Variants in NIPSNAP2 observed in about 807,000 individuals in gnomAD.
The protein encoded by NIPSNAP2 is protein NipSnap homolog 2.
NIPSNAP2 carries 42 observed loss-of-function variants against 48.4 expected under a neutral mutation model. The ratio of observed to expected loss-of-function variants is 0.87; its 90% CI spans 0.68 to 1.12. NIPSNAP2 has a LOEUF of 1.12. Ranked by LOEUF, NIPSNAP2 falls within the 50% of genes most tolerant of loss-of-function variation. NIPSNAP2 has a pLI of 0.00. For synonymous variants in NIPSNAP2, 158 were observed against 126.6 expected (o/e 1.25, Z -1.67); for missense variants, 314 against 347.3 (o/e 0.90, Z 0.76).
chr7:55,997,481 T>C, intron 9 of NIPSNAP2, 32 bp downstream of exon 9: 1 of 1,510,496 alleles, frequency 6.6e-7, no homozygotes, highest in East Asian at 2.3e-5. Flanking sequence ...AATATGCTTT[T>C]TGTCTTACTG....
chr7:55,975,960 C>T (rs918508510), intron 1 of NIPSNAP2, among the ~76,000 whole-genome samples: 3 of 152,284 alleles, frequency 2.0e-5, no homozygotes, highest in Admixed American at 1.3e-4. Flanking sequence ...TCGCTTGAAC[C>T]TGGGAGGTGG....
At chr7:55,968,602 G>A (rs925906447) in intron 1 of NIPSNAP2, among the ~76,000 whole-genome samples, 6 of 152,036 alleles carry the variant, frequency 3.9e-5, no homozygotes, top group African/African-American at 1.4e-4. Flanking sequence ...GGCCAGGATG[G>A]TCTCGATCTC....
At chr7:55,974,248 AT>A (rs757754976) in intron 1 of NIPSNAP2, among the ~76,000 whole-genome samples, 6 of 108,290 alleles carry the variant, frequency 5.5e-5, no homozygotes, top group Admixed American at 5.0e-4. Context: ...CAGCAAACTG[AT>A]TTTTTAAGCA....
intron 4 of NIPSNAP2, chr7:55,982,004 A>G (rs1019697188): frequency 7.6e-6 from 3 of 393,702 alleles, no homozygotes; most frequent in Admixed American, 4.1e-5. Flanking sequence ...ACAGGGTTTC[A>G]CCATGTTGGC....
chr7:55,967,549 C>A (rs1786921606), intron 1 of NIPSNAP2, among the ~76,000 whole-genome samples: 1 of 152,134 alleles, frequency 6.6e-6, no homozygotes, highest in African/African-American at 2.4e-5. Flanking sequence ...TCACTGCAGC[C>A]TTGACCTTCC....
intron 1 of NIPSNAP2, among the ~76,000 whole-genome samples, chr7:55,977,675 A>C (rs1787130305): frequency 6.6e-6 from 1 of 152,174 alleles, no homozygotes; most frequent in African/African-American, 2.4e-5. Flanking sequence ...CATTTTAAGC[A>C]TACAGTTCAG....
chr7:55,997,060 G>A (rs1422945440), intron 8 of NIPSNAP2, among the ~76,000 whole-genome samples: 1 of 151,898 alleles, frequency 6.6e-6, no homozygotes, highest in African/African-American at 2.4e-5. Flanking sequence ...TCAGCAGGCT[G>A]AGGTGGGAGG....
intron 7 of NIPSNAP2, among the ~76,000 whole-genome samples, chr7:55,988,734 G>A (rs1465380795): frequency 2.0e-5 from 3 of 151,970 alleles, no homozygotes; most frequent in African/African-American, 7.3e-5. Context: ...GCATGTTGGT[G>A]TGCACCTGTA....
chr7:55,969,231 AGACGG>A (rs1344046881), intron 1 of NIPSNAP2, among the ~76,000 whole-genome samples: 1 of 152,060 alleles, frequency 6.6e-6, no homozygotes, highest in Admixed American at 6.6e-5. Context: ...GCAGTGTGGA[AGACGG>A]GGTACTGGGG....
chr7:55,985,774 A>G (rs1214241366), intron 7 of NIPSNAP2, among the ~76,000 whole-genome samples: 1 of 149,252 alleles, frequency 6.7e-6, no homozygotes, highest in Non-Finnish European at 1.5e-5. Flanking sequence ...AAGTCCGGGC[A>G]TGTTGGCTCA....
intron 7 of NIPSNAP2, among the ~76,000 whole-genome samples, chr7:55,993,533 C>T (rs562432673): frequency 4.7e-4 from 69 of 148,170 alleles, no homozygotes; most frequent in Non-Finnish European, 8.0e-4. Context: ...GAGCCAAGAT[C>T]GTACCATTGC....
At chr7:55,981,445 A>G in intron 3 of NIPSNAP2, 28 bp from the exon 4 acceptor site, 2 of 1,571,870 alleles carry the variant, frequency 1.3e-6, no homozygotes, top group Non-Finnish European at 1.7e-6. Context: ...TGGTTGTTTA[A>G]TTAGTGTTGC....
At chr7:55,996,820 G>A (rs1240364933) in intron 8 of NIPSNAP2, among the ~76,000 whole-genome samples, 3 of 152,104 alleles carry the variant, frequency 2.0e-5, no homozygotes, top group Non-Finnish European at 4.4e-5. Context: ...TTGAGTCCAG[G>A]TGTTTGAGAC....
chr7:55,975,773 C>T (rs1346327402), intron 1 of NIPSNAP2, among the ~76,000 whole-genome samples: 2 of 152,184 alleles, frequency 1.3e-5, no homozygotes, highest in Non-Finnish European at 2.9e-5. Context: ...CGCAGTGGCT[C>T]ACACCTATAA....
At position 55,967,297 on chromosome 7, in the gene NIPSNAP2, A is replaced by G. The variant is rs10278928; in HGVS notation, c.92+2596A>G. 2.4e-3 allele frequency among the ~76,000 whole-genome samples: 368 copies of G among 152,288 alleles called. 1 individual carries two copies. Among genetic ancestry groups the G allele is most frequent in the African/African-American group, 8.7e-3 (360 of 41,554 alleles). On this transcript the variant is annotated intron_variant, in intron 1 of 9. Transcript: ENST00000322090. ...ACACCAGATGGTCTTCCCCAAGCCC[A>G]TCCCTCTTTTTCCCGCCATCTATCA...
intron 7 of NIPSNAP2, among the ~76,000 whole-genome samples, chr7:55,988,407 A>G (rs1466272901): frequency 2.0e-5 from 3 of 152,210 alleles, no homozygotes; most frequent in Admixed American, 1.3e-4. Context: ...AAGTGAAACT[A>G]TAATGGGATA....
intron 3 of NIPSNAP2, chr7:55,980,138 C>G (rs533524972): frequency 1.9e-5 from 4 of 214,624 alleles, no homozygotes; most frequent in African/African-American, 8.9e-5. Flanking sequence ...TCCCTCTTTC[C>G]CTGTCCTCGA....
chr7:55,988,338 A>G (rs543448522), intron 7 of NIPSNAP2, among the ~76,000 whole-genome samples: 2 of 152,314 alleles, frequency 1.3e-5, no homozygotes, highest in Non-Finnish European at 2.9e-5. Flanking sequence ...AAGAAAATAC[A>G]TGAATGCCCA....
intron 8 of NIPSNAP2, among the ~76,000 whole-genome samples, chr7:55,997,089 G>A (rs1787577073): frequency 6.6e-6 from 1 of 151,716 alleles, no homozygotes; most frequent in African/African-American, 2.4e-5. Flanking sequence ...AGCCTAGGAG[G>A]TCAAGGCCGT....
Sources: allele counts gnomAD v4.1 joint callset (sites outside exome capture counted in the v4.1 genomes callset), GRCh38; gene constraint gnomAD v4.1.1; transcripts MANE v1.5; gene names NCBI Gene and HGNC (gene_info 2026-07-23, HGNC 2026-07-21).